PACSIN1: variants seen among roughly 807,000 people sequenced by gnomAD.
PACSIN1 encodes protein kinase C and casein kinase substrate in neurons 1.
A neutral mutation model predicts 59.5 loss-of-function variants in PACSIN1; 15 were observed. The observed-to-expected ratio is 0.25, with a 90% CI of 0.17 to 0.39. PACSIN1 has a LOEUF of 0.39. Ranked by LOEUF, PACSIN1 falls within the 10% of genes least tolerant of loss-of-function variation. PACSIN1 has a pLI of 1.00. For synonymous variants in PACSIN1, 210 were observed against 220.6 expected (o/e 0.95, Z 0.42); for missense variants, 420 against 580.2 (o/e 0.72, Z 2.84).
At chr6:34,492,195 CTTTTT>C (rs55745060) in intron 1 of PACSIN1, among the ~76,000 whole-genome samples, 2 of 80,178 alleles carry the variant, frequency 2.5e-5, no homozygotes, top group Non-Finnish European at 4.6e-5. Context: ...CTTTTTTGAC[CTTTTT>C]TTTTTTTTTT....
chr6:34,475,623 C>T (rs1766628778), intron 1 of PACSIN1, among the ~76,000 whole-genome samples: 1 of 152,216 alleles, frequency 6.6e-6, no homozygotes. Flanking sequence ...CCCCCTGCAT[C>T]TCCAGATGAG....
intron 1 of PACSIN1, among the ~76,000 whole-genome samples, chr6:34,506,405 G>T (rs1308198965): frequency 1.3e-5 from 2 of 152,048 alleles, no homozygotes; most frequent in Non-Finnish European, 2.9e-5. Flanking sequence ...TGTAGAGACA[G>T]GGTCTCACTA....
chr6:34,503,101 A>G (rs1367447863), intron 1 of PACSIN1, among the ~76,000 whole-genome samples: 1 of 151,948 alleles, frequency 6.6e-6, no homozygotes, highest in Non-Finnish European at 1.5e-5. Flanking sequence ...TATCACTACA[A>G]AAAAACAAAC....
chr6:34,470,325 C>T (rs1228749212), intron 1 of PACSIN1, among the ~76,000 whole-genome samples: 1 of 151,390 alleles, frequency 6.6e-6, no homozygotes, highest in African/African-American at 2.4e-5. Flanking sequence ...GGATTACAGG[C>T]GCCCACCACC....
rs888183907 is a variant in PACSIN1, at chr6:34,514,788, A to C, written c.-63-11455A>C. The C allele has an allele frequency of 2.0e-5, 3 of 152,576 alleles. No homozygotes were observed. Among genetic ancestry groups the C allele is most frequent in the Non-Finnish European group, 4.4e-5 (3 of 68,176 alleles). The allele number at this position is 152,576 out of a possible 1,614,324, so 9.5% of individuals were successfully genotyped here. ...TTGCCCAGTTGCCATAGAAACGAGC[A>C]GAAGGAGGTGGGTGGCTGGAGAAGG... is the stretch of plus-strand genomic sequence containing the variant. On this transcript the variant is annotated intron_variant, in intron 1 of 9. Transcript: ENST00000244458. The surrounding 1 kb of genome is among the most constrained non-coding windows in gnomAD (Gnocchi z 4.4).
At chr6:34,484,913 G>A (rs1766769134) in intron 1 of PACSIN1, among the ~76,000 whole-genome samples, 2 of 152,032 alleles carry the variant, frequency 1.3e-5, no homozygotes, top group South Asian at 4.1e-4. Flanking sequence ...TGTTCTGGAT[G>A]GGGCGAAAGT....
chr6:34,480,227 C>CTTTCTTT (rs1766695846), intron 1 of PACSIN1, among the ~76,000 whole-genome samples: 1 of 133,622 alleles, frequency 7.5e-6, no homozygotes, highest in East Asian at 2.2e-4. Flanking sequence ...TTCTTTCTTT[C>CTTTCTTT]TTTTTTTTTT....
At chr6:34,490,775 G>GC (rs369909369) in intron 1 of PACSIN1, among the ~76,000 whole-genome samples, 1 of 152,156 alleles carries the variant, frequency 6.6e-6, no homozygotes, top group African/African-American at 2.4e-5. Flanking sequence ...ACCCAAGCAT[G>GC]CCCCCCTTCT....
intron 1 of PACSIN1, among the ~76,000 whole-genome samples, chr6:34,512,239 G>C (rs943279483): frequency 1.3e-5 from 2 of 151,948 alleles, no homozygotes; most frequent in African/African-American, 2.4e-5. Flanking sequence ...TGGGGAAGGA[G>C]GGGGAGACAG....
Position 34,528,721 on chromosome 6 carries a change from G to T in PACSIN1, c.300G>T (p.Glu100Asp). The change falls in exon 4 of 10, where the codon GAG becomes GAT. Residue 100 changes from glutamate (E) to aspartate (D), a missense_variant. Glu to Asp is a conservative substitution (Grantham distance 45). Transcript: ENST00000244458. ...EADKVSELHQ[E>D]VKNNLLNEDL... is the part of the protein sequence containing the mutation. ...ACAAGGTGAGCGAGCTGCACCAGGA[G>T]GTGAAGAACAATCTGCTGAATGAGG... 1.2e-6 allele frequency: 2 copies of T among 1,614,092 alleles called. No individual in the cohort carries two copies. Among genetic ancestry groups the T allele is most frequent in the Non-Finnish European group, 1.7e-6 (2 of 1,180,024 alleles).
chr6:34,513,071 T>G (rs1767230666), intron 1 of PACSIN1, among the ~76,000 whole-genome samples: 1 of 152,218 alleles, frequency 6.6e-6, no homozygotes, highest in African/African-American at 2.4e-5. Flanking sequence ...GACTCTGTTT[T>G]GCCCACAGCT....
intron 1 of PACSIN1, among the ~76,000 whole-genome samples, chr6:34,469,523 G>A (rs1766542754): frequency 6.6e-6 from 1 of 152,222 alleles, no homozygotes. Context: ...AAGTGGGATT[G>A]GATGAAGGGG....
At position 34,531,729 on chromosome 6, in the gene PACSIN1, C is replaced by T. The variant is rs754027032; in HGVS notation, c.1167C>T (p.Arg389=). ...NPFEDDSKGV[R]VRALYDYDGQ... ...TTGAGGACGACTCCAAGGGAGTGCG[C>T]GTGCGGGCACTCTACGACTATGACG... The change falls in exon 9 of 10, where the codon CGC becomes CGT. Residue 389 remains arginine, a synonymous_variant. Coordinates refer to ENST00000244458, the MANE Select transcript of PACSIN1 (RefSeq NM_020804.5). This position sits in a 1 kb window ranked among gnomAD's most constrained non-coding sequence, Gnocchi z 4.4. The T allele has an allele frequency of 2.5e-6, 4 of 1,604,262 alleles. No homozygotes were observed. Among genetic ancestry groups the T allele is most frequent in the Non-Finnish European group, 8.5e-7 (1 of 1,174,682 alleles).
chr6:34,474,555 C>T (rs191561895), intron 1 of PACSIN1, among the ~76,000 whole-genome samples: 245 of 152,132 alleles, frequency 1.6e-3, no homozygotes, highest in Middle Eastern at 0.01. Context: ...TTTGGGAGGC[C>T]GAGGCAGGTG....
intron 1 of PACSIN1, among the ~76,000 whole-genome samples, chr6:34,504,713 A>C (rs1767083034): frequency 6.6e-6 from 1 of 152,156 alleles, no homozygotes; most frequent in African/African-American, 2.4e-5. Context: ...CCAGTGTTCC[A>C]GGAGGATTCC....
At chr6:34,510,960 G>A (rs907509839) in intron 1 of PACSIN1, among the ~76,000 whole-genome samples, 8 of 152,134 alleles carry the variant, frequency 5.3e-5, no homozygotes, top group Admixed American at 3.3e-4. Context: ...CAATCTGCTC[G>A]CCTCGGCCTC....
At chr6:34,489,870 C>T (rs946594502) in intron 1 of PACSIN1, among the ~76,000 whole-genome samples, 11 of 152,312 alleles carry the variant, frequency 7.2e-5, no homozygotes, top group African/African-American at 2.4e-4. Flanking sequence ...AGCGTGTAAG[C>T]CCTTCTTGGG....
At position 34,520,557 on chromosome 6, in the gene PACSIN1, G is replaced by A. The variant is rs187462628; in HGVS notation, c.-63-5686G>A. ...GTTATCTAACTTCTCTGAGTCTCAG[G>A]TACTCATCTCTAGAACAGGGAAGGC... On this transcript the variant is annotated intron_variant, in intron 1 of 9. Coordinates refer to ENST00000244458, the MANE Select transcript of PACSIN1 (RefSeq NM_020804.5). Among the ~76,000 whole-genome samples, 259 of 152,326 alleles carry A rather than the reference G, an allele frequency of 1.7e-3. 1 individual carries two copies. Among genetic ancestry groups the A allele is most frequent in the Middle Eastern group, 6.8e-3 (2 of 294 alleles).
At chr6:34,504,293 T>A (rs1490769077) in intron 1 of PACSIN1, among the ~76,000 whole-genome samples, 16 of 68,792 alleles carry the variant, frequency 2.3e-4, no homozygotes, top group African/African-American at 1.0e-3. Flanking sequence ...TATATATATT[T>A]TTTTTTTTTT....
Sources: gnomAD v4.1 joint callset for allele counts (sites outside exome capture counted in the v4.1 genomes callset) on GRCh38, gnomAD v4.1.1 for gene constraint, Gnocchi (gnomAD v3.1) non-coding constraint, MANE v1.5 for transcripts, NCBI Gene and HGNC (gene_info 2026-07-23, HGNC 2026-07-21) for gene names.